The following PTPN7 variants were observed in gnomAD, a reference collection of about 807,000 sequenced individuals.
PTPN7 encodes the protein protein tyrosine phosphatase non-receptor type 7.
PTPN7 carries 33 observed loss-of-function variants against 50.3 expected under a neutral mutation model. That is an observed-to-expected ratio of 0.66 (90% confidence interval 0.50 to 0.88). The LOEUF (loss-of-function observed/expected upper bound fraction) is 0.88, where lower values mean the gene tolerates loss of function less well. PTPN7 is among the 40% of genes least tolerant of loss of function. The probability of loss-of-function intolerance (pLI) is 0.00; values close to 1 mark genes in which losing one functional copy is unlikely to be tolerated. For missense variants in PTPN7, 412 were observed against 475.4 expected (o/e 0.87, Z 1.24); for synonymous variants, 185 against 186.6 (o/e 0.99, Z 0.07).
At position 202,155,548 on chromosome 1, in the gene PTPN7, A is replaced by C. The variant is rs1273593951; in HGVS notation, c.453T>G (p.Asn151Lys). 2 of 1,557,994 alleles carry C rather than the reference A, an allele frequency of 1.3e-6. No homozygotes were observed. ...AQSQEDGDYINANYIRGYDGK... is the reference protein window; with the variant it reads ...AQSQEDGDYIKANYIRGYDGK... Reference sequence around the variant, plus strand: ...GGCCACTCACTCGGATGTAGTTGGCATTGATGTAATCTCCGTCCTCCTGGC... The same window carrying C: ...GGCCACTCACTCGGATGTAGTTGGCCTTGATGTAATCTCCGTCCTCCTGGC... The change falls in exon 5 of 10, where the codon AAT becomes AAG. Residue 151 changes from asparagine to lysine, a missense_variant. Physicochemically the swap from Asn to Lys is moderately conservative, Grantham distance 94. Coordinates refer to ENST00000691036, the MANE Select transcript of PTPN7 (RefSeq NM_002832.4).
Position 202,152,552 on chromosome 1 carries a change from CT to C in PTPN7, c.864del (p.Val289SerfsTer23). 1 of 1,612,764 alleles carries C rather than the reference CT, an allele frequency of 6.2e-7. No individual in the cohort carries two copies. Among genetic ancestry groups the C allele is most frequent in the Non-Finnish European group, 8.5e-7 (1 of 1,179,944 alleles). On this transcript the variant is annotated frameshift_variant, in exon 8 of 10. Transcript: ENST00000691036. LOFTEE classifies it high-confidence loss of function. Reference protein sequence around the residue: ...PETAAHPGPIVVHCSAGIGRT... With the variant: ...PETAAHPGPIXVHCSAGIGRT... ...GGGAGGGCCACGCACCTGCAGTGGA[CT>C]ACGATAGGCCCGGGGTGGGCGGCTG...
In PTPN7 at chr1:202,158,213, T is replaced by C; in HGVS notation, c.211A>G (p.Thr71Ala). 1 of 1,613,976 alleles carries C rather than the reference T, an allele frequency of 6.2e-7. No individual in the cohort carries two copies. Among genetic ancestry groups the C allele is most frequent in the East Asian group, 2.2e-5 (1 of 44,866 alleles). Residue 71 changes from threonine to alanine, a missense_variant, in exon 3 of 10, where the codon ACC (threonine) becomes GCC (alanine). By Grantham distance (58) the Thr-to-Ala change is moderately conservative (BLOSUM62 0). Coordinates refer to ENST00000691036, the MANE Select transcript of PTPN7 (RefSeq NM_002832.4). ...CCAGCAGTGCGCAGAAAGTGTAGGG[T>C]GACCTCCCGGGGTGTGTTCACAGAG... is the stretch of plus-strand genomic sequence containing the variant. The part of the protein sequence containing the change: ...ICSVNTPREV[T>A]LHFLRTAGHP...
chr1:202,147,618 T>C lies in PTPN7; in HGVS notation c.*988A>G, dbSNP rs915899967. 1.3e-5 allele frequency: 2 copies of C among 152,138 alleles called. No homozygotes were observed. Among genetic ancestry groups the C allele is most frequent in the Non-Finnish European group, 2.9e-5 (2 of 68,054 alleles). 9.4% of individuals were successfully genotyped at this position (152,138 alleles called of 1,614,324 possible). On this transcript the variant is annotated 3_prime_UTR_variant, in exon 10 of 10. Transcript: ENST00000691036. Reference sequence around the variant, plus strand: ...GCTGAGATGGATGAGGGGTGCTCATTCTCTCAGGTAGACAGTGAGGAGTCC... The same window carrying C: ...GCTGAGATGGATGAGGGGTGCTCATCCTCTCAGGTAGACAGTGAGGAGTCC...
intron 5 of PTPN7, among the ~76,000 whole-genome samples, 178 bp downstream of exon 5, chr1:202,155,355 T>C (rs1255097896): frequency 6.6e-6 from 1 of 152,092 alleles, no homozygotes; most frequent in Non-Finnish European, 1.5e-5. Flanking sequence ...GTTTTTTAGG[T>C]TGGTGTTTTG....
intron 8 of PTPN7, among the ~76,000 whole-genome samples, chr1:202,151,726 A>C (rs1008396172): frequency 1.3e-5 from 2 of 152,100 alleles, no homozygotes; most frequent in African/African-American, 4.8e-5. Flanking sequence ...CATGTTGGTC[A>C]GGCTGGTCTT....
At chr1:202,152,832 G>T (rs1421104403) in intron 7 of PTPN7, 133 bp from the exon 8 acceptor site, 6 of 1,023,228 alleles carry the variant, frequency 5.9e-6, no homozygotes, top group Admixed American at 2.5e-5. Context: ...AAGCTAGGTT[G>T]CAATTTTCGT....
intron 6 of PTPN7, among the ~76,000 whole-genome samples, 175 bp from the exon 7 acceptor site, chr1:202,154,010 G>A (rs1056852029): frequency 2.4e-4 from 37 of 151,742 alleles, no homozygotes; most frequent in African/African-American, 8.2e-4. Context: ...ACCCTATCCC[G>A]TATTTTGGCC....
chr1:202,161,012 C>T, upstream of PTPN7: 1 of 1,020,812 alleles, frequency 9.8e-7, no homozygotes, highest in South Asian at 1.9e-5. Context: ...CCCCACAGCC[C>T]TCTCCCTCAA....
At chr1:202,153,229 T>C (rs932044925) in intron 7 of PTPN7, among the ~76,000 whole-genome samples, 1 of 152,170 alleles carries the variant, frequency 6.6e-6, no homozygotes, top group African/African-American at 2.4e-5. Flanking sequence ...TAGCACAATC[T>C]TGGCTCACTG....
intron 8 of PTPN7, among the ~76,000 whole-genome samples, chr1:202,151,367 C>T (rs1655986518): frequency 1.3e-5 from 2 of 152,216 alleles, no homozygotes; most frequent in African/African-American, 4.8e-5. Flanking sequence ...GTTCCCTTCC[C>T]TCTCTTCACT....
In PTPN7 at chr1:202,154,179, C is replaced by T; in HGVS notation, c.606+7G>A. 1 of 1,613,964 alleles carries T rather than the reference C, an allele frequency of 6.2e-7. No homozygotes were observed. Among genetic ancestry groups the T allele is most frequent in the Non-Finnish European group, 8.5e-7 (1 of 1,180,022 alleles). On this transcript the variant is annotated splice_region_variant and intron_variant, in intron 6 of 9. Transcript: ENST00000691036. The stretch of plus-strand genomic sequence containing the variant: ...GGTTCATCATGAACTGTGGCTCTGC[C>T]TCCTACCTCCTTGCCCTCTCGGAGC...
rs751028711 is a variant in PTPN7, at chr1:202,148,362, G to A, written c.*244C>T. 1.2e-5 allele frequency: 5 copies of A among 431,340 alleles called. No homozygotes were observed. Among genetic ancestry groups the A allele is most frequent in the Admixed American group, 8.0e-5 (2 of 24,996 alleles). The allele number at this position is 431,340 out of a possible 1,614,324, so 26.7% of individuals were successfully genotyped here. A position where few individuals can be genotyped will look rare whatever the true frequency, so the allele number is the denominator to read the frequency against. On this transcript the variant is annotated 3_prime_UTR_variant, in exon 10 of 10. Transcript: ENST00000691036. The stretch of plus-strand genomic sequence containing the variant: ...CTTTAAGTTCAGAGAGACATTGGAG[G>A]TTCCCCTTACTGTCCATCTGGGGCC...
intron 4 of PTPN7, among the ~76,000 whole-genome samples, chr1:202,157,235 C>T (rs115932825): frequency 2.0e-5 from 3 of 152,198 alleles, no homozygotes; most frequent in Non-Finnish European, 2.9e-5. Flanking sequence ...TGAGGCTGGA[C>T]GCGGTGGCTT....
chr1:202,151,945 G>T (rs1656049745), intron 8 of PTPN7, among the ~76,000 whole-genome samples: 1 of 152,042 alleles, frequency 6.6e-6, no homozygotes, highest in Non-Finnish European at 1.5e-5. Flanking sequence ...TTGAGATGGA[G>T]TCTCGCTCTG....
rs746969309 is a variant in PTPN7, at chr1:202,157,755, G to T, written c.375C>A (p.Tyr125Ter). Reference sequence around the variant, plus strand: ...AGTTCTTACTTGGCAAGATGGTCTTGTATCGGTCCTTGGAGGCGTGGCCAG... The same window carrying T: ...AGTTCTTACTTGGCAAGATGGTCTTTTATCGGTCCTTGGAGGCGTGGCCAG... ...DIPGHASKDR[Y>*]KTILPNPQSR... Residue 125 changes from tyrosine to a stop codon, truncating the protein, a stop_gained, in exon 4 of 10, where the codon TAC becomes TAA. Transcript: ENST00000691036. LOFTEE classifies it high-confidence loss of function. 13 of 1,613,854 alleles carry T rather than the reference G, an allele frequency of 8.1e-6. No individual in the cohort carries two copies. Among genetic ancestry groups the T allele is most frequent in the Non-Finnish European group, 9.3e-6 (11 of 1,179,722 alleles).
In PTPN7 at chr1:202,159,204, A is replaced by C; in HGVS notation, c.122+77T>G. The C allele has an allele frequency of 6.9e-7, 1 of 1,440,130 alleles. No homozygotes were observed. Among genetic ancestry groups the C allele is most frequent in the Non-Finnish European group, 9.7e-7 (1 of 1,033,700 alleles). 89.2% of individuals were successfully genotyped at this position (1,440,130 alleles called of 1,614,324 possible). A position where few individuals can be genotyped will look rare whatever the true frequency, so the allele number is the denominator to read the frequency against. ...CTCTGGACCCTGCTGTCAGAGCTGG[A>C]GGGGCAGATGGAAGGAAGGGAGGAG... On this transcript the variant is annotated intron_variant, in intron 2 of 9. Transcript: ENST00000691036. This position sits in a 1 kb window ranked among gnomAD's most constrained non-coding sequence, Gnocchi z 4.6.
In PTPN7 at chr1:202,148,704, A is replaced by G. The variant is rs193012950; in HGVS notation, c.990-5T>C. The G allele has an allele frequency of 4.2e-3, 6,853 of 1,613,136 alleles. 37 individuals carry two copies. The highest frequency in any genetic ancestry group is 0.021 in the Admixed American group (1,248 of 59,924). On this transcript the variant is annotated splice_polypyrimidine_tract_variant and splice_region_variant and intron_variant, in intron 9 of 9. Coordinates refer to ENST00000691036, the MANE Select transcript of PTPN7 (RefSeq NM_002832.4). ...GCCGTCTGGATCATCCCCCCTCTGC[A>G]AGGAGAAACACACAGACCATGAGTG...
rs1656895808 is a variant in PTPN7 at position 202,158,138 on chromosome 1, G to T, written c.286C>A (p.Gln96Lys). 3.1e-6 allele frequency: 5 copies of T among 1,600,290 alleles called. No individual in the cohort carries two copies. In the African/African-American group the frequency reaches 6.7e-5, roughly 22 times the overall value. Residue 96 changes from glutamine (Q) to lysine (K), a missense_variant, in exon 3 of 10, where the codon CAA (glutamine) becomes AAA (lysine). Gln to Lys is a moderately conservative substitution (Grantham distance 53). Transcript: ENST00000691036. The stretch of plus-strand genomic sequence containing the variant: ...CTTACCAAGAATTCTTCTTCCAGTT[G>T]CTTGGGGCTGGGTGGCTGGCGCTGA... The part of the protein sequence containing the change: ...ALQRQPPSPK[Q>K]LEEEFLKIPS...
upstream of PTPN7, chr1:202,161,340 C>G (rs1285999134): frequency 1.7e-6 from 2 of 1,192,216 alleles, no homozygotes; most frequent in African/African-American, 3.2e-5. Context: ...CCCTCAGCCC[C>G]CTGCAGGCCT....
Sources: allele counts gnomAD v4.1 joint callset (sites outside exome capture counted in the v4.1 genomes callset), GRCh38; gene constraint gnomAD v4.1.1; non-coding constraint Gnocchi (gnomAD v3.1); transcripts MANE v1.5; gene names NCBI Gene and HGNC (gene_info 2026-07-23, HGNC 2026-07-21).